Variants in ABCC6 observed in about 807,000 individuals in gnomAD.
The protein encoded by ABCC6 is ATP-binding cassette sub-family C member 6.
Under a neutral mutation model 169.5 loss-of-function variants are expected in ABCC6, and 126 were observed. That is an observed-to-expected ratio of 0.74 (90% CI 0.64 to 0.86). The LOEUF (loss-of-function observed/expected upper bound fraction) is 0.86, where lower values mean the gene tolerates loss of function less well. Ranked by LOEUF, ABCC6 falls within the 40% of genes least tolerant of loss-of-function variation. ABCC6 has a pLI of 0.00. For synonymous variants in ABCC6, 752 were observed against 814.7 expected (o/e 0.92, Z 1.31); for missense variants, 1,733 against 1,927.2 (o/e 0.90, Z 1.89).
intron 27 of ABCC6, among the ~76,000 whole-genome samples, chr16:16,156,402 C>G (rs531359284): frequency 6.6e-6 from 1 of 152,132 alleles, no homozygotes; most frequent in African/African-American, 2.4e-5. Context: ...TAAACCACAC[C>G]AAGTGGGTTT....
At chr16:16,160,628 CAAAAAAAAAAAAAAAA>C (rs34511090) in intron 25 of ABCC6, among the ~76,000 whole-genome samples, 3 of 76,398 alleles carry the variant, frequency 3.9e-5, no homozygotes, top group East Asian at 9.1e-4. Context: ...CTGTTTCTAC[CAAAAAAAAAAAAAAAA>C]AAAAAAAAAA....
At chr16:16,183,747 G>C (rs1043243423) in intron 15 of ABCC6, among the ~76,000 whole-genome samples, 5 of 152,024 alleles carry the variant, frequency 3.3e-5, no homozygotes, top group Admixed American at 2.0e-4. Flanking sequence ...GCATCTAGTG[G>C]GTAGAGACTG....
intron 17 of ABCC6, chr16:16,182,013 C>T: frequency 3.4e-6 from 1 of 294,340 alleles, no homozygotes; most frequent in East Asian, 8.5e-5. Flanking sequence ...CTGCCCAATC[C>T]ATAGCTCCAG....
At chr16:16,194,518 G>A (rs11862259) in intron 10 of ABCC6, among the ~76,000 whole-genome samples, 26,453 of 152,062 alleles carry the variant, frequency 0.17, 3,906 homozygotes, top group East Asian at 0.54. Flanking sequence ...TTCTATATCT[G>A]GAAAATGTGG....
At chr16:16,213,192 C>T (rs920607264) in intron 5 of ABCC6, among the ~76,000 whole-genome samples, 5 of 151,746 alleles carry the variant, frequency 3.3e-5, no homozygotes, top group African/African-American at 1.2e-4. Context: ...TCAAGCAATC[C>T]TCCTGCTTTA....
At chr16:16,187,300 C>T in intron 13 of ABCC6, 89 bp from the exon 14 acceptor site, 1 of 1,019,338 alleles carries the variant, frequency 9.8e-7, no homozygotes, top group Non-Finnish European at 1.5e-6. Flanking sequence ...GTGGCAACAG[C>T]TTCCTGTCTA....
intron 22 of ABCC6, among the ~76,000 whole-genome samples, 179 bp from the exon 23 acceptor site, chr16:16,166,112 A>T (rs2046866365): frequency 6.6e-6 from 1 of 152,176 alleles, no homozygotes; most frequent in South Asian, 2.1e-4. Context: ...GTGCAGTAGC[A>T]TGATGATGGC....
At chr16:16,169,076 G>A (rs1437283174) in intron 22 of ABCC6, among the ~76,000 whole-genome samples, 2 of 152,128 alleles carry the variant, frequency 1.3e-5, no homozygotes, top group African/African-American at 4.8e-5. Context: ...GCAAGACTCT[G>A]TCTCAAAATA....
chr16:16,190,333 C>T lies in ABCC6; in HGVS notation c.1466G>A (p.Arg489Gln), dbSNP rs1387993598. The change falls in exon 12 of 31, where the codon CGG (arginine) becomes CAG (glutamine). Residue 489 changes from arginine (R) to glutamine (Q), a missense_variant. Physicochemically the swap from Arg to Gln is conservative, Grantham distance 43. This residue lies in a region of ABCC6 where 1,601 missense variants were observed against 1,635.5 expected (regional missense o/e 0.98). Transcript: ENST00000205557. ...EQMRQKDSRA[R>Q]LTSSILRNSK... ...GTTCCTGAGGATAGAGCTGGTGAGC[C>T]GTGCCCGTGAGTCCTTCTGCCTCAT... 5.6e-6 allele frequency: 9 copies of T among 1,614,150 alleles called. No homozygotes were observed. Among genetic ancestry groups the T allele is most frequent in the Non-Finnish European group, 6.8e-6 (8 of 1,180,036 alleles).
At chr16:16,179,986 C>T (rs1051601615) in intron 17 of ABCC6, among the ~76,000 whole-genome samples, 2 of 152,188 alleles carry the variant, frequency 1.3e-5, no homozygotes, top group African/African-American at 4.8e-5. Context: ...TAGATAGTCC[C>T]TTCTGGGGAT....
At chr16:16,194,399 T>C (rs1195564386) in intron 10 of ABCC6, among the ~76,000 whole-genome samples, 1 of 152,228 alleles carries the variant, frequency 6.6e-6, no homozygotes, top group South Asian at 2.1e-4. Context: ...ATTCTTCCGT[T>C]TGTCTGAAAC....
rs372522823 is a variant in ABCC6, at chr16:16,203,397, G to A, written c.998+13C>T. ...CACCCACCTTAGCAGGGCACTTGAG[G>A]TCTGGGACTCACCTGAGCAGCTTGG... On this transcript the variant is annotated intron_variant, in intron 8 of 30. Coordinates refer to ENST00000205557, the MANE Select transcript of ABCC6 (RefSeq NM_001171.6). The A allele has an allele frequency of 3.8e-5, 62 of 1,613,932 alleles. 1 individual carries two copies. In the African/African-American group the frequency reaches 6.9e-4, roughly 18 times the overall value.
chr16:16,153,148 A>G (rs895574040), intron 29 of ABCC6, among the ~76,000 whole-genome samples: 1 of 151,766 alleles, frequency 6.6e-6, no homozygotes, highest in Non-Finnish European at 1.5e-5. Context: ...CAGGTGATCC[A>G]CCCGCCTCGG....
chr16:16,190,635 A>T (rs1409682482), intron 11 of ABCC6, among the ~76,000 whole-genome samples: 1 of 150,952 alleles, frequency 6.6e-6, no homozygotes, highest in Non-Finnish European at 1.5e-5. Flanking sequence ...CCACCTGGGT[A>T]TGACACCATC....
chr16:16,175,692 C>T (rs1406584564), intron 20 of ABCC6, among the ~76,000 whole-genome samples: 1 of 152,230 alleles, frequency 6.6e-6, no homozygotes, highest in Non-Finnish European at 1.5e-5. Context: ...GCATATTGTT[C>T]ATTCCATGAA....
chr16:16,176,076 T>C, intron 19 of ABCC6, 90 bp from the exon 20 acceptor site: 1 of 1,295,958 alleles, frequency 7.7e-7, no homozygotes, highest in Non-Finnish European at 1.1e-6. Context: ...GCTCTGACCA[T>C]CCATTTCCCC....
rs1410903760 is a variant in ABCC6 at position 16,188,893 on chromosome 16, CTG to C, written c.1715_1716del (p.Thr572SerfsTer27). ...MNAEKAFVTLTVLNILNKAQA... is the reference protein window; with the variant it reads ...MNAEKAFVTLXVLNILNKAQA... ...TGGGCCTTGTTGAGGATGTTGAGAA[CTG>C]TGAGAGTCACAAAGGCTTTCTCTGC... On this transcript the variant is annotated frameshift_variant, in exon 13 of 31. Transcript: ENST00000205557. LOFTEE classifies it high-confidence loss of function. 1.2e-6 allele frequency: 2 copies of C among 1,614,176 alleles called. No individual in the cohort carries two copies. The highest frequency in any genetic ancestry group is 1.3e-5 in the African/African-American group (1 of 75,058).
At position 16,177,642 on chromosome 16, in the gene ABCC6, G is replaced by A. The variant is rs1267513606; in HGVS notation, c.2416-16C>T. On this transcript the variant is annotated splice_polypyrimidine_tract_variant and intron_variant, in intron 18 of 30. Coordinates refer to ENST00000205557, the MANE Select transcript of ABCC6 (RefSeq NM_001171.6). ...GAATCCGTGTCTGGGCAGGGAAGGG[G>A]TAGAAGTTACACACATGTGGCCGGG... 6.2e-7 allele frequency: 1 copy of A among 1,613,910 alleles called. No homozygotes were observed. The highest frequency in any genetic ancestry group is 8.5e-7 in the Non-Finnish European group (1 of 1,179,996).
chr16:16,169,579 A>G, intron 22 of ABCC6, 67 bp downstream of exon 22: 3 of 1,554,738 alleles, frequency 1.9e-6, no homozygotes, highest in Non-Finnish European at 2.6e-6. Flanking sequence ...GGGGTGGGGT[A>G]AAGGAGTCCT....
Sources: allele counts gnomAD v4.1 joint callset (sites outside exome capture counted in the v4.1 genomes callset), GRCh38; gene constraint gnomAD v4.1.1; regional missense constraint gnomAD v4.1.1; transcripts MANE v1.5; gene names NCBI Gene and HGNC (gene_info 2026-07-23, HGNC 2026-07-21).